Variants in HDAC4 observed in about 807,000 individuals in gnomAD.
The protein encoded by HDAC4 is histone deacetylase 4.
Under a neutral mutation model 135.1 loss-of-function variants are expected in HDAC4, and 16 were observed. The ratio of observed to expected loss-of-function variants is 0.12; its 90% CI spans 0.08 to 0.18. HDAC4 has a LOEUF of 0.18. Among genes scored for constraint, HDAC4 ranks in the 10% least tolerant of loss-of-function variants. HDAC4 has a pLI of 1.00. For missense variants in HDAC4, 1,143 were observed against 1,511.8 expected (o/e 0.76, Z 4.05); for synonymous variants, 685 against 653.4 (o/e 1.05, Z -0.74).
In HDAC4 at chr2:239,309,478, A is replaced by G. The variant is rs1244680988; in HGVS notation, c.22+43200T>C. ...CCCGCCTTCTCAGCCACCTCTCACT[A>G]ACACTCAGCTCCACTCCTGCTTCCT... On this transcript the variant is annotated intron_variant, in intron 2 of 26. Coordinates refer to ENST00000543185, the MANE Select transcript of HDAC4 (RefSeq NM_001378414.1). This position sits in a 1 kb window ranked among gnomAD's most constrained non-coding sequence, Gnocchi z 4.2. Among the ~76,000 whole-genome samples the G allele has an allele frequency of 6.6e-6, 1 of 152,206 alleles. No homozygotes were observed. The highest frequency in any genetic ancestry group is 2.4e-5 in the African/African-American group (1 of 41,452).
At chr2:239,393,523 C>T (rs1010514897) in intron 1 of HDAC4, among the ~76,000 whole-genome samples, 3 of 152,210 alleles carry the variant, frequency 2.0e-5, no homozygotes, top group African/African-American at 7.2e-5. Context: ...GTCACCAGGC[C>T]ACCATCTGGC....
intron 16 of HDAC4, among the ~76,000 whole-genome samples, chr2:239,097,499 C>T (rs2037216117): frequency 6.6e-6 from 1 of 152,244 alleles, no homozygotes; most frequent in African/African-American, 2.4e-5. Context: ...GCTAACACTT[C>T]TCGCCTGAAC....
intron 3 of HDAC4, among the ~76,000 whole-genome samples, chr2:239,220,561 G>A (rs955251987): frequency 3.9e-5 from 6 of 152,172 alleles, no homozygotes; most frequent in African/African-American, 1.2e-4. Context: ...AGAAGATGGT[G>A]CCAGAAGACT....
intron 1 of HDAC4, among the ~76,000 whole-genome samples, chr2:239,357,260 T>C (rs1693550710): frequency 6.6e-6 from 1 of 151,970 alleles, no homozygotes. Context: ...TGCAAACACA[T>C]CATGAATCAA....
intron 2 of HDAC4, among the ~76,000 whole-genome samples, chr2:239,333,641 A>C (rs1691730911): frequency 6.6e-6 from 1 of 152,326 alleles, no homozygotes; most frequent in Non-Finnish European, 1.5e-5. Context: ...GAAAAAAAGC[A>C]TAAGACTATT....
At chr2:239,316,678 TG>T (rs1029842200) in intron 2 of HDAC4, among the ~76,000 whole-genome samples, 4 of 152,052 alleles carry the variant, frequency 2.6e-5, no homozygotes, top group African/African-American at 9.7e-5. Flanking sequence ...AGACGTGGCG[TG>T]GTTTCCAGGA....
chr2:239,180,913 T>TTGCAGCC (rs1004240633), intron 4 of HDAC4, among the ~76,000 whole-genome samples: 11 of 152,196 alleles, frequency 7.2e-5, no homozygotes, highest in Non-Finnish European at 1.6e-4. Flanking sequence ...GGCTGGGTCA[T>TTGCAGCC]TGCAGCCTGC....
Position 239,236,681 on chromosome 2 carries a change from G to GCA in HDAC4, c.23-19_23-18dup, listed in dbSNP as rs1022819216. 2.6e-6 allele frequency: 4 copies of GCA among 1,548,542 alleles called. No individual in the cohort carries two copies. Among genetic ancestry groups the GCA allele is most frequent in the Non-Finnish European group, 3.5e-6 (4 of 1,144,210 alleles). On this transcript the variant is annotated splice_polypyrimidine_tract_variant and intron_variant, in intron 2 of 26. Coordinates refer to ENST00000543185, the MANE Select transcript of HDAC4 (RefSeq NM_001378414.1). ...AAAGTCCATCTGGAGAACAGAGAAG[G>GCA]CACTGGCTTCAGAAACTGCGCGCAT...
At chr2:239,255,283 CTTG>C (rs2048989379) in intron 2 of HDAC4, among the ~76,000 whole-genome samples, 1 of 143,496 alleles carries the variant, frequency 7.0e-6, no homozygotes, top group African/African-American at 2.6e-5. Flanking sequence ...TATGTGTAAT[CTTG>C]TTTTCTCACT....
chr2:239,108,394 G>A (rs934867559), intron 14 of HDAC4, among the ~76,000 whole-genome samples: 1 of 152,146 alleles, frequency 6.6e-6, no homozygotes, highest in Admixed American at 6.5e-5. Flanking sequence ...CAGGCGGGTG[G>A]GAGGGCCTGC....
intron 24 of HDAC4, among the ~76,000 whole-genome samples, chr2:239,058,157 G>C (rs1165964940): frequency 6.6e-6 from 1 of 152,216 alleles, no homozygotes; most frequent in East Asian, 1.9e-4. Flanking sequence ...GGTTTGCATG[G>C]AGGTGGGAGT....
At chr2:239,211,425 C>A (rs1049878688) in intron 3 of HDAC4, among the ~76,000 whole-genome samples, 1 of 152,108 alleles carries the variant, frequency 6.6e-6, no homozygotes, top group Non-Finnish European at 1.5e-5. Flanking sequence ...CCAGGGTGGT[C>A]CGGGCCCCTG....
intron 2 of HDAC4, among the ~76,000 whole-genome samples, chr2:239,330,313 G>A (rs1429585499): frequency 2.6e-5 from 4 of 152,264 alleles, no homozygotes; most frequent in African/African-American, 9.6e-5. Context: ...GCCAAAGGAA[G>A]AGATGCCTCA....
At chr2:239,216,296 T>C (rs898709254) in intron 3 of HDAC4, among the ~76,000 whole-genome samples, 2 of 151,998 alleles carry the variant, frequency 1.3e-5, no homozygotes, top group East Asian at 3.9e-4. Flanking sequence ...AATGAAATGT[T>C]CTCACACATC....
chr2:239,139,654 T>A lies in HDAC4; in HGVS notation c.978+30A>T. ...TCCGTCCCGAGTCCGACTCTAGCCGTAGGACACAGGACAAACGCTTCGCAC... is the reference window on the plus strand; with the variant it reads ...TCCGTCCCGAGTCCGACTCTAGCCGAAGGACACAGGACAAACGCTTCGCAC... On this transcript the variant is annotated intron_variant, in intron 9 of 26. Transcript: ENST00000543185. This position sits in a 1 kb window ranked among gnomAD's most constrained non-coding sequence, Gnocchi z 5.3. 1 of 1,588,752 alleles carries A rather than the reference T, an allele frequency of 6.3e-7. No homozygotes were observed. Among genetic ancestry groups the A allele is most frequent in the Non-Finnish European group, 8.6e-7 (1 of 1,156,928 alleles).
chr2:239,298,475 T>A, intron 2 of HDAC4: 1 of 1,132,166 alleles, frequency 8.8e-7, no homozygotes, highest in South Asian at 2.1e-5. Context: ...CCCCAGCTAT[T>A]ACAATCACAC....
At chr2:239,062,567 C>T (rs536545249) in intron 24 of HDAC4, among the ~76,000 whole-genome samples, 3 of 152,354 alleles carry the variant, frequency 2.0e-5, no homozygotes, top group South Asian at 2.1e-4. Flanking sequence ...GAACAGGCCA[C>T]GGCTGAAAGC....
intron 2 of HDAC4, among the ~76,000 whole-genome samples, chr2:239,269,207 CCACA>C (rs553867620): frequency 1.3e-5 from 2 of 151,210 alleles, no homozygotes; most frequent in African/African-American, 2.4e-5. Flanking sequence ...ATTCACACAC[CCACA>C]CACATTCACA....
intron 1 of HDAC4, among the ~76,000 whole-genome samples, chr2:239,357,654 TG>T (rs906487485): frequency 2.0e-5 from 3 of 148,958 alleles, no homozygotes; most frequent in East Asian, 2.0e-4. Flanking sequence ...GAGGCCGAGG[TG>T]GGGGGATTGC....
Sources: allele counts gnomAD v4.1 joint callset (sites outside exome capture counted in the v4.1 genomes callset), GRCh38; gene constraint gnomAD v4.1.1; non-coding constraint Gnocchi (gnomAD v3.1); transcripts MANE v1.5; gene names NCBI Gene and HGNC (gene_info 2026-07-23, HGNC 2026-07-21).